TNFRSF10A: variants seen among roughly 807,000 people sequenced by gnomAD.
The protein encoded by TNFRSF10A is tumor necrosis factor receptor superfamily member 10A.
In TNFRSF10A, 44 loss-of-function variants were observed where a neutral mutation model predicts 42.8. The ratio of observed to expected loss-of-function variants is 1.03; its 90% confidence interval spans 0.81 to 1.32. The LOEUF (loss-of-function observed/expected upper bound fraction) is 1.32, where lower values mean the gene tolerates loss of function less well. Among genes scored for constraint, TNFRSF10A ranks in the 40% most tolerant of loss-of-function variants. The pLI is 0.00. For missense variants in TNFRSF10A, 680 were observed against 602.0 expected (o/e 1.13, Z -1.36); for synonymous variants, 259 against 234.2 (o/e 1.11, Z -0.97).
rs1406016196 is a variant in TNFRSF10A, at chr8:23,223,622, T to G, written c.306+1134A>C. Among the ~76,000 whole-genome samples the G allele has an allele frequency of 2.6e-5, 4 of 152,236 alleles. No individual in the cohort carries two copies. The East Asian group carries it at 7.7e-4, about 29-fold the overall frequency. On this transcript the variant is annotated intron_variant, in intron 1 of 9. Transcript: ENST00000221132. ...ATGCTATTGGATTCCTGGATTTTGT[T>G]TAGTTTGTTAAACAAAAACACGTAA...
rs144093718 is a variant in TNFRSF10A at position 23,200,757 on chromosome 8, G to A, written c.633C>T (p.Cys211=). 80 of 995,810 alleles carry A rather than the reference G, an allele frequency of 8.0e-5. No homozygotes were observed. Among genetic ancestry groups the A allele is most frequent in the Non-Finnish European group, 1.0e-4 (70 of 668,952 alleles). The allele number at this position is 995,810 out of a possible 1,614,324, so 61.7% of individuals were successfully genotyped here. A position where few individuals can be genotyped will look rare whatever the true frequency, so the allele number is the denominator to read the frequency against. ...AEMCRKCSRG[C]PRGMVKVKDC... ...CCTTGACCTTGACCATCCCTCTGGG[G>A]CACCTGGGTACACACAGGGAGGGAG... The change falls in exon 5 of 10, where the codon TGC becomes TGT. Residue 211 remains cysteine (C), a synonymous_variant. Transcript: ENST00000221132.
chr8:23,210,218 C>G (rs993007086), intron 2 of TNFRSF10A, among the ~76,000 whole-genome samples: 20 of 152,124 alleles, frequency 1.3e-4, no homozygotes, highest in African/African-American at 4.8e-4. Flanking sequence ...AAATTGCCAG[C>G]TTTGGGTATG....
chr8:23,207,272 A>G, intron 2 of TNFRSF10A: 1 of 598,848 alleles, frequency 1.7e-6, no homozygotes, highest in East Asian at 4.1e-5. Flanking sequence ...CCAAGGTTCA[A>G]CACCCTGATT....
intron 2 of TNFRSF10A, among the ~76,000 whole-genome samples, chr8:23,209,579 T>A (rs2128849848): frequency 6.6e-6 from 1 of 152,258 alleles, no homozygotes; most frequent in African/African-American, 2.4e-5. Context: ...AGACAAGGAG[T>A]CAAACGAGAT....
At chr8:23,223,350 C>A (rs964323061) in intron 1 of TNFRSF10A, among the ~76,000 whole-genome samples, 1 of 152,228 alleles carries the variant, frequency 6.6e-6, no homozygotes, top group African/African-American at 2.4e-5. Flanking sequence ...CAGGCGTGAG[C>A]CACCGCGCCT....
intron 2 of TNFRSF10A, among the ~76,000 whole-genome samples, chr8:23,211,633 G>A (rs1254750426): frequency 6.6e-6 from 1 of 152,218 alleles, no homozygotes; most frequent in Non-Finnish European, 1.5e-5. Flanking sequence ...CATACTTCCT[G>A]ATGTCAAAAC....
At chr8:23,208,802 C>T (rs958112362) in intron 2 of TNFRSF10A, among the ~76,000 whole-genome samples, 18 of 152,282 alleles carry the variant, frequency 1.2e-4, no homozygotes, top group Admixed American at 5.2e-4. Flanking sequence ...TTTGGAAAAT[C>T]TGCAACCTGA....
At chr8:23,216,777 G>C (rs1801189816) in intron 1 of TNFRSF10A, among the ~76,000 whole-genome samples, 1 of 151,292 alleles carries the variant, frequency 6.6e-6, no homozygotes, top group Non-Finnish European at 1.5e-5. Flanking sequence ...AATTCTCTTT[G>C]ATTTCATTCG....
chr8:23,222,578 C>G (rs1253288242), intron 1 of TNFRSF10A, among the ~76,000 whole-genome samples: 1 of 152,106 alleles, frequency 6.6e-6, no homozygotes. Flanking sequence ...AGTTAAGGTG[C>G]CTATAAATGC....
chr8:23,198,479 T>C (rs1025030700), intron 8 of TNFRSF10A, among the ~76,000 whole-genome samples: 1 of 152,140 alleles, frequency 6.6e-6, no homozygotes, highest in Non-Finnish European at 1.5e-5. Context: ...GAATCTACTG[T>C]CTGAATGTGA....
intron 1 of TNFRSF10A, among the ~76,000 whole-genome samples, chr8:23,215,567 T>A (rs1200803621): frequency 6.6e-6 from 1 of 152,106 alleles, no homozygotes; most frequent in Admixed American, 6.6e-5. Flanking sequence ...AAACAATGAA[T>A]TCCAATTCAT....
Position 23,191,737 on chromosome 8 carries a change from A to G in TNFRSF10A, c.1364T>C (p.Ile455Thr). 1 of 1,614,150 alleles carries G rather than the reference A, an allele frequency of 6.2e-7. No individual in the cohort carries two copies. The highest frequency in any genetic ancestry group is 8.5e-7 in the Non-Finnish European group (1 of 1,180,028). ...QDLLVDSGKF[I>T]YLEDGTGSAV... ...AGAGCCTGTGCCATCTTCTAAGTAGATGAACTTTCCAGAGTCCACCAAGAG... is the reference window on the plus strand; with the variant it reads ...AGAGCCTGTGCCATCTTCTAAGTAGGTGAACTTTCCAGAGTCCACCAAGAG... Residue 455 changes from isoleucine (I) to threonine (T), a missense_variant, in exon 10 of 10, where the codon ATC (isoleucine) becomes ACC (threonine). Ile to Thr is a moderately conservative substitution (Grantham distance 89). Transcript: ENST00000221132.
At chr8:23,196,135 C>A (rs147305830) in intron 9 of TNFRSF10A, among the ~76,000 whole-genome samples, 8 of 152,090 alleles carry the variant, frequency 5.3e-5, no homozygotes, top group African/African-American at 1.9e-4. Context: ...GATGCTGGAC[C>A]CCTCATTCAT....
intron 4 of TNFRSF10A, 27 bp from the exon 5 acceptor site, chr8:23,200,787 G>A (rs780491639): frequency 8.3e-6 from 13 of 1,561,770 alleles, no homozygotes; most frequent in Non-Finnish European, 1.1e-5. Flanking sequence ...AGGGAGGGGG[G>A]GGACTCTTGA....
intron 2 of TNFRSF10A, among the ~76,000 whole-genome samples, chr8:23,210,508 C>T (rs565887742): frequency 1.5e-4 from 23 of 152,154 alleles, no homozygotes; most frequent in Admixed American, 1.3e-3. Flanking sequence ...GGTGAAACCC[C>T]GTCTCTACTA....
At chr8:23,200,624 G>A in intron 5 of TNFRSF10A, 24 bp from the exon 6 acceptor site, 1 of 1,614,166 alleles carries the variant, frequency 6.2e-7, no homozygotes, top group Non-Finnish European at 8.5e-7. Context: ...GGAAAAGACA[G>A]GAGTCTCGGG....
intron 1 of TNFRSF10A, 200 bp downstream of exon 1, chr8:23,224,556 C>A: frequency 1.5e-6 from 1 of 646,038 alleles, no homozygotes. Context: ...GGGGGCTCTG[C>A]TGCCTCCAGG....
chr8:23,216,867 CTTTAA>C lies in TNFRSF10A; in HGVS notation c.307-4660_307-4656del, dbSNP rs1488256882. Among the ~76,000 whole-genome samples, 16 of 152,098 alleles carry C rather than the reference CTTTAA, an allele frequency of 1.1e-4. 2 individuals are homozygous for C. The highest frequency in any genetic ancestry group is 3.9e-4 in the African/African-American group (16 of 41,476). ...TTCTAGATATTGTTATTGCTTAACA[CTTTAA>C]TTTCATTGAGATCAGAGAACATATT... On this transcript the variant is annotated intron_variant, in intron 1 of 9. Coordinates refer to ENST00000221132, the MANE Select transcript of TNFRSF10A (RefSeq NM_003844.4).
At chr8:23,201,737 G>A (rs927935743) in intron 4 of TNFRSF10A, 71 bp downstream of exon 4, 21 of 1,351,008 alleles carry the variant, frequency 1.6e-5, no homozygotes, top group African/African-American at 3.0e-5. Context: ...AAGGAGACTC[G>A]GGTCTTTTTA....
Sources: allele counts gnomAD v4.1 joint callset (sites outside exome capture counted in the v4.1 genomes callset), GRCh38; gene constraint gnomAD v4.1.1; transcripts MANE v1.5; gene names NCBI Gene and HGNC (gene_info 2026-07-23, HGNC 2026-07-21).